The following JAK1 variants were observed in gnomAD, a reference collection of about 807,000 sequenced individuals.
JAK1 encodes Janus kinase 1.
In JAK1, 16 loss-of-function variants were observed where a neutral mutation model predicts 136.6. The observed-to-expected ratio is 0.12, with a 90% CI of 0.08 to 0.18. The LOEUF (loss-of-function observed/expected upper bound fraction) is 0.18. Ranked by LOEUF, JAK1 falls within the 10% of genes least tolerant of loss-of-function variation. The pLI is 1.00. For synonymous variants in JAK1, 492 were observed against 519.5 expected, an observed-to-expected ratio of 0.95 and a Z score of 0.72; for missense variants, 859 against 1,450.1, an observed-to-expected ratio of 0.59 and a Z score of 6.62.
At chr1:64,903,887 A>C (rs1324972681) in intron 1 of JAK1, among the ~76,000 whole-genome samples, 2 of 152,228 alleles carry the variant, frequency 1.3e-5, no homozygotes, top group East Asian at 3.8e-4. Flanking sequence ...ATCACAATCA[A>C]GCTCTAATTT....
At chr1:65,009,217 A>T (rs1391055928) in intron 2 of JAK1, among the ~76,000 whole-genome samples, 1 of 152,224 alleles carries the variant, frequency 6.6e-6, no homozygotes, top group African/African-American at 2.4e-5. Flanking sequence ...AGATGAAAAG[A>T]TCTGTTAATT....
rs763189932 is a variant in JAK1, at chr1:64,855,684, G to A, written c.1473C>T (p.Ala491=). ...TCTGAAAGTTCTTGAACTGCTTCTG[G>A]GCACCCTGCACCTGCTATTCGGGAA... The part of the protein sequence containing the change: ...CFEKSEQVQG[A]QKQFKNFQIE... Residue 491 remains alanine (A), a synonymous_variant, in exon 11 of 25, where the codon GCC becomes GCT. Coordinates refer to ENST00000342505, the MANE Select transcript of JAK1 (RefSeq NM_002227.4). 1 of 1,613,156 alleles carries A rather than the reference G, an allele frequency of 6.2e-7. No individual in the cohort carries two copies. The highest frequency in any genetic ancestry group is 8.5e-7 in the Non-Finnish European group (1 of 1,179,358).
chr1:64,900,682 C>T (rs1051025262), intron 1 of JAK1, among the ~76,000 whole-genome samples: 11 of 152,164 alleles, frequency 7.2e-5, no homozygotes, highest in Admixed American at 3.3e-4. Flanking sequence ...CATTCTCGTC[C>T]GCTTCTATTC....
chr1:64,996,281 A>T (rs1441130273), intron 2 of JAK1, among the ~76,000 whole-genome samples: 1 of 152,312 alleles, frequency 6.6e-6, no homozygotes, highest in East Asian at 1.9e-4. Flanking sequence ...GCTCCTTTAA[A>T]GCAGACTCAG....
intron 1 of JAK1, among the ~76,000 whole-genome samples, chr1:64,958,621 C>T (rs2100616578): frequency 6.6e-6 from 1 of 152,292 alleles, no homozygotes; most frequent in East Asian, 1.9e-4. Context: ...AGTTTAATAA[C>T]AAAATTTTTA....
At chr1:64,958,536 CA>C (rs2100616200) in intron 1 of JAK1, among the ~76,000 whole-genome samples, 1 of 152,296 alleles carries the variant, frequency 6.6e-6, no homozygotes, top group Non-Finnish European at 1.5e-5. Flanking sequence ...GTACACCTGG[CA>C]AAAAGCCATT....
intron 6 of JAK1, among the ~76,000 whole-genome samples, chr1:64,867,591 G>T (rs973301261): frequency 2.0e-5 from 3 of 152,244 alleles, no homozygotes; most frequent in African/African-American, 7.2e-5. Flanking sequence ...GGTCTGCAAG[G>T]TGTTAGGAGC....
rs2780822 is a variant in JAK1 at position 64,846,900 on chromosome 1, C to A, written c.1900-164G>T. ...TGGCCTTGGCTGTCCAGAGGCACTG[C>A]CAAGCCTTGTTCTCTGGGCCAACCT... is the stretch of plus-strand genomic sequence containing the variant. On this transcript the variant is annotated intron_variant, in intron 13 of 24. Transcript: ENST00000342505. The A allele has an allele frequency of 8.3e-6, 5 of 604,452 alleles. No homozygotes were observed. The East Asian group carries it at 1.4e-4, about 17-fold the overall frequency. 37.4% of individuals were successfully genotyped at this position (604,452 alleles called of 1,614,324 possible).
At chr1:64,873,243 G>T in intron 5 of JAK1, 127 bp downstream of exon 5, 2 of 1,075,308 alleles carry the variant, frequency 1.9e-6, no homozygotes, top group Non-Finnish European at 2.7e-6. Flanking sequence ...GGTGTGGCAA[G>T]AACTTACCCA....
At chr1:64,950,722 C>G (rs1394118488) in intron 1 of JAK1, among the ~76,000 whole-genome samples, 4 of 152,208 alleles carry the variant, frequency 2.6e-5, no homozygotes, top group African/African-American at 9.7e-5. Flanking sequence ...TCTAAATCTT[C>G]TACCCATAGA....
At chr1:64,978,583 G>A (rs1170978725) in intron 2 of JAK1, among the ~76,000 whole-genome samples, 2 of 151,992 alleles carry the variant, frequency 1.3e-5, no homozygotes, top group East Asian at 3.8e-4. Context: ...TCTTAAATAG[G>A]TAAATGAGAT....
In JAK1 at chr1:64,834,186, A is replaced by AATC. The variant is rs1654322853; in HGVS notation, c.*373_*375dup. ...AGATCAGCTGGCAGCAGGGAAAAGCAATCATCTTCAGATATTATTTTGGTC... is the reference window on the plus strand; with the variant it reads ...AGATCAGCTGGCAGCAGGGAAAAGCAATCATCATCTTCAGATATTATTTTGGTC... On this transcript the variant is annotated 3_prime_UTR_variant, in exon 25 of 25. Coordinates refer to ENST00000342505, the MANE Select transcript of JAK1 (RefSeq NM_002227.4). 1 of 249,850 alleles carries AATC rather than the reference A, an allele frequency of 4.0e-6. No homozygotes were observed. The highest frequency in any genetic ancestry group is 1.3e-4 in the South Asian group (1 of 7,528). The allele number at this position is 249,850 out of a possible 1,614,324, so 15.5% of individuals were successfully genotyped here.
intron 2 of JAK1, among the ~76,000 whole-genome samples, chr1:65,009,342 ACTG>A (rs1314756334): frequency 2.0e-5 from 3 of 152,206 alleles, no homozygotes; most frequent in Admixed American, 6.5e-5. Context: ...CATTCATGAA[ACTG>A]CTAAAGTGGT....
At chr1:64,953,784 T>C (rs1021387580) in intron 1 of JAK1, among the ~76,000 whole-genome samples, 2 of 152,138 alleles carry the variant, frequency 1.3e-5, no homozygotes, top group African/African-American at 4.8e-5. Context: ...CTCAGCCTCC[T>C]GAGTAGCTGG....
At chr1:64,897,488 A>AGGG (rs1557673314) in intron 1 of JAK1, among the ~76,000 whole-genome samples, 1 of 536 alleles carries the variant, frequency 1.9e-3, no homozygotes, top group Admixed American at 0.028. Context: ...GGGGAGGGGG[A>AGGG]GGGGGGGAGG....
chr1:65,058,220 T>C (rs560375773), intron 1 of JAK1, among the ~76,000 whole-genome samples: 1 of 152,304 alleles, frequency 6.6e-6, no homozygotes, highest in African/African-American at 2.4e-5. Context: ...TCTTAATATA[T>C]GTTCACTCAG....
intron 1 of JAK1, among the ~76,000 whole-genome samples, chr1:64,897,010 C>T (rs988614133): frequency 1.3e-5 from 2 of 152,160 alleles, no homozygotes; most frequent in African/African-American, 4.8e-5. Flanking sequence ...AGTAGGAAAA[C>T]TGGCTCACAG....
intron 2 of JAK1, among the ~76,000 whole-genome samples, chr1:65,006,428 G>C (rs573355753): frequency 2.2e-4 from 33 of 152,222 alleles, no homozygotes; most frequent in African/African-American, 7.7e-4. Context: ...TACTCTCATA[G>C]CTTACTGTAA....
At chr1:64,945,238 A>C (rs1266766741) in intron 1 of JAK1, among the ~76,000 whole-genome samples, 1 of 152,184 alleles carries the variant, frequency 6.6e-6, no homozygotes, top group African/African-American at 2.4e-5. Context: ...TCTGCAATGC[A>C]CAAAAATATG....
Sources: allele counts gnomAD v4.1 joint callset (sites outside exome capture counted in the v4.1 genomes callset), GRCh38; gene constraint gnomAD v4.1.1; transcripts MANE v1.5; gene names NCBI Gene and HGNC (gene_info 2026-07-23, HGNC 2026-07-21).